MYZAP: variants seen among roughly 807,000 people sequenced by gnomAD.
MYZAP encodes myocardial zonula adherens protein.
Under a neutral mutation model 69.4 loss-of-function variants are expected in MYZAP, and 66 were observed. The ratio of observed to expected loss-of-function variants is 0.95; its 90% CI spans 0.78 to 1.17. MYZAP has a LOEUF of 1.17. Among genes scored for constraint, MYZAP ranks in the 50% most tolerant of loss-of-function variants. MYZAP has a pLI of 0.00. For synonymous variants in MYZAP, 256 were observed against 205.9 expected (o/e 1.24, Z -2.09); for missense variants, 611 against 556.2 (o/e 1.10, Z -0.99).
intron 12 of MYZAP, among the ~76,000 whole-genome samples, chr15:57,676,119 G>A (rs1314650073): frequency 6.6e-6 from 1 of 152,032 alleles, no homozygotes; most frequent in East Asian, 1.9e-4. Flanking sequence ...TGGGGCCTCG[G>A]TTTCTCAACT....
rs1953800834 is a variant in MYZAP at position 57,629,764 on chromosome 15, G to A, written c.588G>A (p.Gln196=). 1 of 1,614,016 alleles carries A rather than the reference G, an allele frequency of 6.2e-7. No homozygotes were observed. The highest frequency in any genetic ancestry group is 8.5e-7 in the Non-Finnish European group (1 of 1,179,994). ...SNIKDQIRNL[Q]QTYEASMDKL... ...TTAAGGATCAAATCAGAAATCTGCA[G>A]CAGACGTATGAAGCATCCATGGACA... Residue 196 remains glutamine (Q), a synonymous_variant, in exon 6 of 13, where the codon CAG becomes CAA. Coordinates refer to ENST00000267853, the MANE Select transcript of MYZAP (RefSeq NM_001018100.5).
intron 12 of MYZAP, among the ~76,000 whole-genome samples, chr15:57,675,511 T>A (rs1255064860): frequency 6.6e-6 from 1 of 152,134 alleles, no homozygotes; most frequent in African/African-American, 2.4e-5. Flanking sequence ...TTTAGTGATA[T>A]ACAAGAGGGA....
At chr15:57,644,972 T>C in intron 10 of MYZAP, among the ~76,000 whole-genome samples, 1 of 152,216 alleles carries the variant, frequency 6.6e-6, no homozygotes, top group South Asian at 2.1e-4. Context: ...CTAAGGGTGA[T>C]TCTCATGGAT....
Position 57,684,724 on chromosome 15 carries a change from C to G in MYZAP, c.*226C>G, listed in dbSNP as rs143033202. 4 of 410,090 alleles carry G rather than the reference C, an allele frequency of 9.8e-6. No individual in the cohort carries two copies. Among genetic ancestry groups the G allele is most frequent in the Admixed American group, 4.2e-5 (1 of 23,826 alleles). The allele number at this position is 410,090 out of a possible 1,614,324, so 25.4% of individuals were successfully genotyped here. The stretch of plus-strand genomic sequence containing the variant: ...CATTTCAGACACCCACTCGGCATAC[C>G]CTGCCGTACTGCATCATCATTTGTT... On this transcript the variant is annotated 3_prime_UTR_variant, in exon 13 of 13. Transcript: ENST00000267853.
chr15:57,592,150 C>T (rs1477650679), intron 1 of MYZAP, 41 bp downstream of exon 1: 2 of 1,280,216 alleles, frequency 1.6e-6, no homozygotes, highest in African/African-American at 1.5e-5. Flanking sequence ...CCCGTTCCCC[C>T]ATCCCGGCCG....
chr15:57,674,202 A>G (rs188633053), intron 11 of MYZAP, among the ~76,000 whole-genome samples: 16 of 152,102 alleles, frequency 1.1e-4, no homozygotes, highest in African/African-American at 2.9e-4. Flanking sequence ...TTTTCATTTC[A>G]GTATCTTCAA....
intron 12 of MYZAP, among the ~76,000 whole-genome samples, chr15:57,684,182 A>G (rs1242067601): frequency 6.6e-6 from 1 of 152,106 alleles, no homozygotes; most frequent in Non-Finnish European, 1.5e-5. Flanking sequence ...ACCTCCTAAT[A>G]CATCACCTTA....
At chr15:57,649,262 A>G (rs1428646431) in intron 10 of MYZAP, among the ~76,000 whole-genome samples, 1 of 152,116 alleles carries the variant, frequency 6.6e-6, no homozygotes, top group Non-Finnish European at 1.5e-5. Flanking sequence ...GCATAATTTC[A>G]CCTTTTCTAG....
intron 8 of MYZAP, among the ~76,000 whole-genome samples, chr15:57,636,163 G>A (rs1401464915): frequency 6.6e-6 from 1 of 151,198 alleles, no homozygotes; most frequent in African/African-American, 2.4e-5. Context: ...TTTGGAGGGA[G>A]GCATTCACTT....
In MYZAP at chr15:57,591,966, G is replaced by C. The variant is rs528382845; in HGVS notation, c.-69G>C. On this transcript the variant is annotated 5_prime_UTR_variant, in exon 1 of 13. Transcript: ENST00000267853. The stretch of plus-strand genomic sequence containing the variant: ...GTCCCGCGTCGCCCCCGCGCAGGGC[G>C]GGCCCCGCACGCTTATTCTGCCCGG... 2.3e-6 allele frequency: 3 copies of C among 1,292,742 alleles called. No homozygotes were observed. Among genetic ancestry groups the C allele is most frequent in the East Asian group, 6.5e-5 (2 of 30,834 alleles). The allele number at this position is 1,292,742 out of a possible 1,614,324, so 80.1% of individuals were successfully genotyped here.
At chr15:57,678,073 A>G (rs1271043600) in intron 12 of MYZAP, among the ~76,000 whole-genome samples, 1 of 151,392 alleles carries the variant, frequency 6.6e-6, no homozygotes, top group Non-Finnish European at 1.5e-5. Context: ...GAAAAGAAAT[A>G]AAAAATAGGC....
intron 10 of MYZAP, among the ~76,000 whole-genome samples, chr15:57,649,589 C>T (rs902673468): frequency 6.6e-6 from 1 of 152,148 alleles, no homozygotes; most frequent in Non-Finnish European, 1.5e-5. Context: ...AACTCTACAT[C>T]TTATCAATAT....
At chr15:57,641,483 C>T (rs1409256941) in intron 10 of MYZAP, among the ~76,000 whole-genome samples, 2 of 152,042 alleles carry the variant, frequency 1.3e-5, no homozygotes, top group African/African-American at 4.8e-5. Flanking sequence ...TTTTTTCTAC[C>T]TGTGATTTCA....
chr15:57,638,932 G>A (rs2036972333), intron 9 of MYZAP, among the ~76,000 whole-genome samples: 1 of 152,132 alleles, frequency 6.6e-6, no homozygotes, highest in African/African-American at 2.4e-5. Context: ...TCTCAGATCT[G>A]TAAATGGTGC....
At chr15:57,670,277 C>T (rs1272408964) in intron 11 of MYZAP, among the ~76,000 whole-genome samples, 1 of 152,004 alleles carries the variant, frequency 6.6e-6, no homozygotes, top group African/African-American at 2.4e-5. Context: ...AACTCTGTTA[C>T]TAGGTATATA....
intron 11 of MYZAP, among the ~76,000 whole-genome samples, chr15:57,674,009 A>G (rs1437518093): frequency 6.6e-6 from 1 of 152,250 alleles, no homozygotes. Context: ...TACAACCAGG[A>G]AGATAGATAT....
intron 3 of MYZAP, among the ~76,000 whole-genome samples, chr15:57,621,358 C>A (rs1200640141): frequency 6.6e-6 from 1 of 151,542 alleles, no homozygotes; most frequent in East Asian, 1.9e-4. Context: ...CTACAGGTGC[C>A]CACCACCACA....
intron 11 of MYZAP, among the ~76,000 whole-genome samples, chr15:57,666,353 G>C (rs1350019871): frequency 4.6e-5 from 7 of 152,146 alleles, no homozygotes; most frequent in Admixed American, 4.6e-4. Flanking sequence ...AAAAGGACAG[G>C]CCCTTTCCTA....
At chr15:57,597,337 T>C (rs1384096283) in intron 1 of MYZAP, among the ~76,000 whole-genome samples, 1 of 152,214 alleles carries the variant, frequency 6.6e-6, no homozygotes, top group Non-Finnish European at 1.5e-5. Flanking sequence ...GGGAACATCT[T>C]AAAGTACAGA....
Sources: gnomAD v4.1 joint callset for allele counts (sites outside exome capture counted in the v4.1 genomes callset) on GRCh38, gnomAD v4.1.1 for gene constraint, MANE v1.5 for transcripts, NCBI Gene and HGNC (gene_info 2026-07-23, HGNC 2026-07-21) for gene names.